ZC3H6: variants seen among roughly 807,000 people sequenced by gnomAD.
The protein encoded by ZC3H6 is zinc finger CCCH domain-containing protein 6.
A neutral mutation model predicts 107.7 loss-of-function variants in ZC3H6; 40 were observed. That is an observed-to-expected ratio of 0.37 (90% CI 0.29 to 0.48). ZC3H6 has a LOEUF of 0.48. Among genes scored for constraint, ZC3H6 ranks in the 20% least tolerant of loss-of-function variants. The pLI, the probability that ZC3H6 is intolerant of heterozygous loss-of-function variation, is 0.98. For synonymous variants in ZC3H6, 493 were observed against 487.9 expected (o/e 1.01, Z -0.14); for missense variants, 1,267 against 1,410.4 (o/e 0.90, Z 1.63).
rs1046374640 is a variant in ZC3H6 at position 112,327,890 on chromosome 2, A to G, written c.2086+2693A>G. ...CTATGTGTCTGTTTTTTGTTAGTTC[A>G]TTTTTTTGTTTTTGTTTTTGTTTTT... On this transcript the variant is annotated intron_variant, in intron 11 of 11. Transcript: ENST00000409871. Among the ~76,000 whole-genome samples the G allele has an allele frequency of 2.6e-5, 4 of 150,980 alleles. 1 individual carries two copies. The highest frequency in any genetic ancestry group is 2.0e-4 in the Admixed American group (3 of 15,126).
Position 112,324,533 on chromosome 2 carries a change from A to G in ZC3H6, c.1722A>G (p.Ser574=). The part of the protein sequence containing the change: ...PRENHCSPGS[S]YQQSPGEMQL... ...AGAATCACTGTTCTCCAGGTTCATC[A>G]TACCAGCAAAGTCCTGGTGAAATGC... is the stretch of plus-strand genomic sequence containing the variant. Residue 574 remains serine (S), a synonymous_variant, in exon 10 of 12, where the codon TCA becomes TCG. Transcript: ENST00000409871. 1 of 1,612,946 alleles carries G rather than the reference A, an allele frequency of 6.2e-7. No individual in the cohort carries two copies. Among genetic ancestry groups the G allele is most frequent in the African/African-American group, 1.3e-5 (1 of 75,060 alleles).
At position 112,331,354 on chromosome 2, in the gene ZC3H6, T is replaced by C; in HGVS notation, c.2436T>C (p.Ala812=). ...GAKFDLHHAN[A]GTNVKHKRGD... ...AGTTTGATTTGCATCATGCAAATGC[T>C]GGCACTAATGTCAAACACAAAAGAG... The change falls in exon 12 of 12, where the codon GCT becomes GCC. Residue 812 remains alanine (A), a synonymous_variant. Coordinates refer to ENST00000409871, the MANE Select transcript of ZC3H6 (RefSeq NM_198581.3). 1 of 1,613,842 alleles carries C rather than the reference T, an allele frequency of 6.2e-7. No homozygotes were observed. The highest frequency in any genetic ancestry group is 1.7e-5 in the Admixed American group (1 of 60,028).
At chr2:112,312,040 T>G in intron 5 of ZC3H6, 103 bp downstream of exon 5, 1 of 1,199,774 alleles carries the variant, frequency 8.3e-7, no homozygotes, top group East Asian at 2.6e-5. Context: ...CTCTAGTAAA[T>G]GAAAAATTAC....
intron 1 of ZC3H6, 72 bp downstream of exon 1, chr2:112,276,098 GC>G (rs1558942719): frequency 2.1e-6 from 3 of 1,435,586 alleles, no homozygotes; most frequent in East Asian, 5.3e-5. Flanking sequence ...GCGGGCCGGG[GC>G]CGGGCGCCTC....
chr2:112,310,131 A>C lies in ZC3H6; in HGVS notation c.583A>C (p.Lys195Gln). 1 of 1,613,230 alleles carries C rather than the reference A, an allele frequency of 6.2e-7. No homozygotes were observed. The highest frequency in any genetic ancestry group is 8.5e-7 in the Non-Finnish European group (1 of 1,179,568). ...GTCATCATTTTCTAAAGAATCAGGAAAAAAACAGAGAATGAAAGGAGTTCA... is the reference window on the plus strand; with the variant it reads ...GTCATCATTTTCTAAAGAATCAGGACAAAAACAGAGAATGAAAGGAGTTCA... ...LGSSFSKESGKKQRMKGVQQG... is the reference protein window; with the variant it reads ...LGSSFSKESGQKQRMKGVQQG... The change falls in exon 4 of 12, where the codon AAA becomes CAA. Residue 195 changes from lysine (K) to glutamine (Q), a missense_variant. This residue lies in a region of ZC3H6 where 337 missense variants were observed against 361.2 expected (regional missense o/e 0.93). Transcript: ENST00000409871.
intron 1 of ZC3H6, among the ~76,000 whole-genome samples, chr2:112,281,344 C>G (rs1686523140): frequency 6.6e-6 from 1 of 152,096 alleles, no homozygotes; most frequent in African/African-American, 2.4e-5. Context: ...GAGGAAAACA[C>G]AAGGGATTTC....
At chr2:112,316,421 C>A in intron 5 of ZC3H6, 49 bp from the exon 6 acceptor site, 2 of 1,100,012 alleles carry the variant, frequency 1.8e-6, no homozygotes, top group Admixed American at 2.2e-5. Flanking sequence ...CATTTTGATA[C>A]CTATTAATAT....
Position 112,332,364 on chromosome 2 carries a change from G to A in ZC3H6, c.3446G>A (p.Arg1149Lys). The change falls in exon 12 of 12, where the codon AGG becomes AAG. Residue 1149 changes from arginine (R) to lysine (K), a missense_variant. Physicochemically the swap from Arg to Lys is conservative, Grantham distance 26. Coordinates refer to ENST00000409871, the MANE Select transcript of ZC3H6 (RefSeq NM_198581.3). ...ATTAGGCCACAGTACAGTGATCCAA[G>A]GCAGGCAAGGCAGCCAGGACAGGGG... ...GLIRPQYSDP[R>K]QARQPGQGSP... 6.2e-7 allele frequency: 1 copy of A among 1,613,870 alleles called. No homozygotes were observed. Among genetic ancestry groups the A allele is most frequent in the Non-Finnish European group, 8.5e-7 (1 of 1,179,878 alleles).
At chr2:112,300,233 A>G (rs1314958265) in intron 2 of ZC3H6, among the ~76,000 whole-genome samples, 2 of 145,840 alleles carry the variant, frequency 1.4e-5, no homozygotes, top group Admixed American at 6.8e-5. Context: ...TTTTTTTTTG[A>G]GATAGGGTCT....
chr2:112,292,153 T>C (rs1192080961), intron 1 of ZC3H6, among the ~76,000 whole-genome samples: 1 of 152,214 alleles, frequency 6.6e-6, no homozygotes, highest in African/African-American at 2.4e-5. Context: ...ATATGAATGT[T>C]AAGCTCAGGG....
intron 7 of ZC3H6, among the ~76,000 whole-genome samples, chr2:112,320,921 A>C (rs954768626): frequency 2.0e-5 from 3 of 152,132 alleles, no homozygotes; most frequent in African/African-American, 7.2e-5. Context: ...TTAAAAAATC[A>C]ATTAAGAAAG....
chr2:112,316,682 T>C lies in ZC3H6; in HGVS notation c.864+96T>C, dbSNP rs150257058. 33 of 712,870 alleles carry C rather than the reference T, an allele frequency of 4.6e-5. No homozygotes were observed. The East Asian group carries it at 8.5e-4, about 18-fold the overall frequency. The allele number at this position is 712,870 out of a possible 1,614,324, so 44.2% of individuals were successfully genotyped here. On this transcript the variant is annotated intron_variant, in intron 6 of 11. Coordinates refer to ENST00000409871, the MANE Select transcript of ZC3H6 (RefSeq NM_198581.3). ...GATGGTTAATTTTTTTCTCTTCTCA[T>C]ATAGTTGTAATAAAACTGGGTCTTT...
chr2:112,321,738 CT>C lies in ZC3H6; in HGVS notation c.977-16del. 7.1e-7 allele frequency: 1 copy of C among 1,406,794 alleles called. No homozygotes were observed. The highest frequency in any genetic ancestry group is 1.5e-5 in the South Asian group (1 of 68,372). The allele number at this position is 1,406,794 out of a possible 1,614,324, so 87.1% of individuals were successfully genotyped here. A position where few individuals can be genotyped will look rare whatever the true frequency, so the allele number is the denominator to read the frequency against. On this transcript the variant is annotated splice_polypyrimidine_tract_variant and intron_variant, in intron 7 of 11. Transcript: ENST00000409871. ...GACCTTGATTTTACTTGGTCTTTTC[CT>C]TAATATTTTTATTTACATGAATTTC... is the stretch of plus-strand genomic sequence containing the variant.
chr2:112,327,776 C>T lies in ZC3H6; in HGVS notation c.2086+2579C>T, dbSNP rs554091849. Among the ~76,000 whole-genome samples the T allele has an allele frequency of 1.6e-4, 25 of 152,178 alleles. No individual in the cohort carries two copies. In the South Asian group the frequency reaches 3.1e-3, roughly 19 times the overall value. ...CATTTATTGACGAGATTGTCCTTTCCCCGATGTATGTTTTTAGCACCTTTG... is the reference window on the plus strand; with the variant it reads ...CATTTATTGACGAGATTGTCCTTTCTCCGATGTATGTTTTTAGCACCTTTG... On this transcript the variant is annotated intron_variant, in intron 11 of 11. Transcript: ENST00000409871.
chr2:112,331,066 A>C lies in ZC3H6; in HGVS notation c.2148A>C (p.Ile716=). 1 of 1,590,358 alleles carries C rather than the reference A, an allele frequency of 6.3e-7. No individual in the cohort carries two copies. The highest frequency in any genetic ancestry group is 8.6e-7 in the Non-Finnish European group (1 of 1,168,030). Residue 716 remains isoleucine, a synonymous_variant, in exon 12 of 12, where the codon ATA becomes ATC. Coordinates refer to ENST00000409871, the MANE Select transcript of ZC3H6 (RefSeq NM_198581.3). Reference sequence around the variant, plus strand: ...AAGAAGGAAGCAGTGTCAAATCAATACTGAAAACATTACAGAAACAAACAG... The same window carrying C: ...AAGAAGGAAGCAGTGTCAAATCAATCCTGAAAACATTACAGAAACAAACAG... ...EEEEGSSVKS[I]LKTLQKQTET...
Position 112,317,231 on chromosome 2 carries a change from G to A in ZC3H6, c.875G>A (p.Cys292Tyr). 1 of 1,442,616 alleles carries A rather than the reference G, an allele frequency of 6.9e-7. No homozygotes were observed. Among genetic ancestry groups the A allele is most frequent in the Non-Finnish European group, 9.2e-7 (1 of 1,083,598 alleles). The allele number at this position is 1,442,616 out of a possible 1,614,324, so 89.4% of individuals were successfully genotyped here. The change falls in exon 7 of 12, where the codon TGT becomes TAT. Residue 292 changes from cysteine to tyrosine, a missense_variant. Physicochemically the swap from Cys to Tyr is radical, Grantham distance 194 (BLOSUM62 -2). Transcript: ENST00000409871. ...TTTTTTTGTGAATAGGGAGATCAGT[G>A]TAAATTTGATCATGATGCAGAGTTG... ...LEGRCIKGDQ[C>Y]KFDHDAELEK...
At chr2:112,296,138 C>G (rs1248987221) in intron 1 of ZC3H6, among the ~76,000 whole-genome samples, 1 of 152,056 alleles carries the variant, frequency 6.6e-6, no homozygotes, top group African/African-American at 2.4e-5. Flanking sequence ...AGTAATCACA[C>G]AGATTAATAT....
At chr2:112,276,589 G>A (rs1417193629) in intron 1 of ZC3H6, among the ~76,000 whole-genome samples, 2 of 152,174 alleles carry the variant, frequency 1.3e-5, no homozygotes, top group East Asian at 1.9e-4. Flanking sequence ...AAAATACTTA[G>A]GCTTTGCAGA....
At chr2:112,306,769 A>G (rs1170124449) in intron 3 of ZC3H6, among the ~76,000 whole-genome samples, 2 of 152,170 alleles carry the variant, frequency 1.3e-5, no homozygotes, top group Non-Finnish European at 2.9e-5. Context: ...AGATCCCCTT[A>G]TAATTGAGGA....
Sources: gnomAD v4.1 joint callset for allele counts (sites outside exome capture counted in the v4.1 genomes callset) on GRCh38, gnomAD v4.1.1 for gene constraint, gnomAD v4.1.1 regional missense constraint, MANE v1.5 for transcripts, NCBI Gene and HGNC (gene_info 2026-07-23, HGNC 2026-07-21) for gene names.